SIK3: variants seen among roughly 807,000 people sequenced by gnomAD.
SIK3 encodes SIK family kinase 3.
SIK3 carries 28 observed loss-of-function variants against 144.2 expected under a neutral mutation model. The observed-to-expected ratio is 0.19, with a 90% CI of 0.14 to 0.27. The LOEUF is 0.27. SIK3 is among the 10% of genes least tolerant of loss of function. SIK3 has a pLI of 1.00. For synonymous variants in SIK3, 686 were observed against 676.3 expected (o/e 1.01, Z -0.22); for missense variants, 1,319 against 1,776.0 (o/e 0.74, Z 4.62).
intron 1 of SIK3, among the ~76,000 whole-genome samples, chr11:117,004,787 C>T (rs1591519409): frequency 6.6e-6 from 1 of 152,296 alleles, no homozygotes; most frequent in East Asian, 1.9e-4. Flanking sequence ...CTCATCCCAC[C>T]TTTGGCCAAC....
At position 116,854,515 on chromosome 11, in the gene SIK3, C is replaced by A. The variant is rs879396322; in HGVS notation, c.3655+3295G>T. 5.9e-5 allele frequency among the ~76,000 whole-genome samples: 9 copies of A among 152,328 alleles called. No homozygotes were observed. In the East Asian group the frequency reaches 1.7e-3, roughly 29 times the overall value. ...AGCTGTTTATGAGCTTGTTTTACAT[C>A]CCCTAGTAGAGTAGAAGCTCCCTGA... is the stretch of plus-strand genomic sequence containing the variant. On this transcript the variant is annotated intron_variant, in intron 21 of 24. Coordinates refer to ENST00000445177, the MANE Select transcript of SIK3 (RefSeq NM_001366686.3).
rs533375600 is a variant in SIK3 at position 116,988,607 on chromosome 11, C to G, written c.274-31543G>C. ...ACCAGCCTAGGCAACACAGCAAGACCCCATCTCTACAATAATAATAATTTA... is the reference window on the plus strand; with the variant it reads ...ACCAGCCTAGGCAACACAGCAAGACGCCATCTCTACAATAATAATAATTTA... On this transcript the variant is annotated intron_variant, in intron 1 of 24. Coordinates refer to ENST00000445177, the MANE Select transcript of SIK3 (RefSeq NM_001366686.3). Among the ~76,000 whole-genome samples, 10 of 151,714 alleles carry G rather than the reference C, an allele frequency of 6.6e-5. No homozygotes were observed. The South Asian group carries it at 2.1e-3, about 32-fold the overall frequency.
At chr11:117,031,583 G>A (rs959338115) in intron 1 of SIK3, among the ~76,000 whole-genome samples, 15 of 150,550 alleles carry the variant, frequency 1.0e-4, no homozygotes, top group African/African-American at 2.9e-4. Flanking sequence ...GTGCAATGGC[G>A]CGATCTTGGC....
chr11:117,045,687 A>C (rs1227365493), intron 1 of SIK3, among the ~76,000 whole-genome samples: 1 of 152,210 alleles, frequency 6.6e-6, no homozygotes, highest in African/African-American at 2.4e-5. Flanking sequence ...GAGACCCACA[A>C]CACTTACGAC....
At chr11:117,000,867 C>T (rs185888781) in intron 1 of SIK3, among the ~76,000 whole-genome samples, 137 of 152,280 alleles carry the variant, frequency 9.0e-4, no homozygotes, top group Non-Finnish European at 6.3e-4. Context: ...TAGGAAATGA[C>T]GACGGGTTGC....
At chr11:117,049,320 G>A (rs1953116466) in intron 1 of SIK3, among the ~76,000 whole-genome samples, 1 of 152,164 alleles carries the variant, frequency 6.6e-6, no homozygotes, top group Admixed American at 6.5e-5. Context: ...GCTCATGACT[G>A]TAATCCCAGC....
intron 1 of SIK3, among the ~76,000 whole-genome samples, chr11:117,077,612 TA>T (rs1039821304): frequency 2.9e-4 from 44 of 152,102 alleles, no homozygotes; most frequent in Non-Finnish European, 5.9e-4. Context: ...ATCTCAAGGG[TA>T]ACAAATCAAC....
At chr11:117,083,516 A>G (rs950012420) in intron 1 of SIK3, among the ~76,000 whole-genome samples, 1 of 152,230 alleles carries the variant, frequency 6.6e-6, no homozygotes, top group African/African-American at 2.4e-5. Context: ...ATCCCTGTTG[A>G]TGTAGAAATG....
At chr11:117,044,782 G>A (rs1464469068) in intron 1 of SIK3, among the ~76,000 whole-genome samples, 1 of 152,104 alleles carries the variant, frequency 6.6e-6, no homozygotes, top group Non-Finnish European at 1.5e-5. Flanking sequence ...CTACTCACAG[G>A]TGAGGCAGGA....
chr11:116,964,728 A>G (rs1292768504), intron 1 of SIK3, among the ~76,000 whole-genome samples: 1 of 152,122 alleles, frequency 6.6e-6, no homozygotes, highest in East Asian at 1.9e-4. Context: ...TAAAAATACA[A>G]AAATTAGCCA....
At chr11:116,990,413 A>G (rs1950461796) in intron 1 of SIK3, among the ~76,000 whole-genome samples, 1 of 152,208 alleles carries the variant, frequency 6.6e-6, no homozygotes, top group African/African-American at 2.4e-5. Context: ...GCCAAAGGTC[A>G]GGAGGCTTAC....
chr11:117,068,768 T>C (rs1452876515), intron 1 of SIK3, among the ~76,000 whole-genome samples: 9 of 152,254 alleles, frequency 5.9e-5, no homozygotes, highest in Non-Finnish European at 1.3e-4. Flanking sequence ...GAAAAGCCTT[T>C]GGTTATTCCT....
chr11:116,856,041 C>A (rs996122520), intron 21 of SIK3, among the ~76,000 whole-genome samples: 9 of 151,886 alleles, frequency 5.9e-5, no homozygotes, highest in Admixed American at 1.3e-4. Flanking sequence ...ACTAAAAATA[C>A]AAAAAATTAG....
intron 1 of SIK3, among the ~76,000 whole-genome samples, chr11:117,060,269 T>G (rs867029636): frequency 2.0e-5 from 3 of 152,184 alleles, no homozygotes; most frequent in Non-Finnish European, 4.4e-5. Flanking sequence ...AATAATGCCA[T>G]TCTGGTAACA....
chr11:116,941,543 G>A (rs1033819972), intron 3 of SIK3, among the ~76,000 whole-genome samples: 2 of 152,122 alleles, frequency 1.3e-5, no homozygotes, highest in African/African-American at 4.8e-5. Flanking sequence ...TGTACACAAT[G>A]GTTATGCAAG....
In SIK3 at chr11:116,903,663, C is replaced by G. The variant is rs184503419; in HGVS notation, c.617-6346G>C. Among the ~76,000 whole-genome samples the G allele has an allele frequency of 4.6e-5, 7 of 152,284 alleles. No homozygotes were observed. In the South Asian group the frequency reaches 1.0e-3, roughly 23 times the overall value. ...GTGGCACAATCATAGTTCACTGAAG[C>G]CTTTACCTCCTGGGCTCAAGCCATC... On this transcript the variant is annotated intron_variant, in intron 4 of 24. Transcript: ENST00000445177.
intron 1 of SIK3, among the ~76,000 whole-genome samples, chr11:117,087,866 T>G (rs2134058810): frequency 6.6e-6 from 1 of 152,246 alleles, no homozygotes; most frequent in Middle Eastern, 3.4e-3. Flanking sequence ...ACAGAAAATT[T>G]GTAAAGTGAA....
chr11:116,895,334 T>A (rs1328246332), intron 6 of SIK3, among the ~76,000 whole-genome samples: 1 of 152,204 alleles, frequency 6.6e-6, no homozygotes. Flanking sequence ...GGTCCCTTTC[T>A]CCATGAAGGG....
At chr11:117,050,000 T>C (rs1026032025) in intron 1 of SIK3, among the ~76,000 whole-genome samples, 3 of 151,740 alleles carry the variant, frequency 2.0e-5, no homozygotes, top group African/African-American at 4.8e-5. Flanking sequence ...TATAATTATA[T>C]AAGATAGCAG....
Sources: allele counts gnomAD v4.1 joint callset (sites outside exome capture counted in the v4.1 genomes callset), GRCh38; gene constraint gnomAD v4.1.1; transcripts MANE v1.5; gene names NCBI Gene and HGNC (gene_info 2026-07-23, HGNC 2026-07-21).